ROBO2: variants seen among roughly 807,000 people sequenced by gnomAD.
The protein encoded by ROBO2 is roundabout homolog 2.
Under a neutral mutation model 160.8 loss-of-function variants are expected in ROBO2, and 53 were observed. The observed-to-expected ratio is 0.33, with a 90% CI of 0.26 to 0.41. The LOEUF is 0.41. Ranked by LOEUF, ROBO2 falls within the 10% of genes least tolerant of loss-of-function variation. The pLI is 1.00. For missense variants in ROBO2, 1,577 were observed against 1,722.4 expected (o/e 0.92, Z 1.49); for synonymous variants, 664 against 611.7 (o/e 1.09, Z -1.26).
chr3:76,216,693 T>C (rs1247731116), intron 2 of ROBO2, among the ~76,000 whole-genome samples: 1 of 151,992 alleles, frequency 6.6e-6, no homozygotes, highest in Non-Finnish European at 1.5e-5. Flanking sequence ...AGACTTAGAC[T>C]CCCACACAAT....
chr3:76,438,447 A>T (rs1577189811), intron 2 of ROBO2, among the ~76,000 whole-genome samples: 2 of 151,378 alleles, frequency 1.3e-5, no homozygotes, highest in South Asian at 4.2e-4. Context: ...CACACAATGC[A>T]CATATATGAT....
Position 75,932,685 on chromosome 3 carries a change from T to C in ROBO2, c.-13-4796T>C, listed in dbSNP as rs112138060. 6.7e-3 allele frequency among the ~76,000 whole-genome samples: 1,013 copies of C among 152,312 alleles called. 17 individuals carry two copies. Among genetic ancestry groups the C allele is most frequent in the African/African-American group, 0.024 (980 of 41,562 alleles). ...TTGGCAAATGATTTATCTGAACTAA[T>C]GGCAGAGTGGAATTTTAATACTTTA... On this transcript the variant is annotated intron_variant, in intron 1 of 26. Transcript: ENST00000487694.
At chr3:77,628,408 C>T (rs1008034540) in intron 23 of ROBO2, among the ~76,000 whole-genome samples, 1 of 146,928 alleles carries the variant, frequency 6.8e-6, no homozygotes, top group Admixed American at 6.9e-5. Context: ...TTTTTATTTT[C>T]ATTCATTCAT....
chr3:76,820,820 T>C (rs909516585), intron 2 of ROBO2, among the ~76,000 whole-genome samples: 3 of 152,018 alleles, frequency 2.0e-5, no homozygotes, highest in African/African-American at 7.2e-5. Flanking sequence ...AATAGTACTG[T>C]TGGAAATTAT....
chr3:76,657,634 T>TCATATATATGTGTATATATATA (rs2091603513), intron 2 of ROBO2, among the ~76,000 whole-genome samples: 1 of 142,894 alleles, frequency 7.0e-6, no homozygotes, highest in Non-Finnish European at 1.5e-5. Context: ...GTATATATAT[T>TCATATATATGTGTATATATATA]CATATATATG....
intron 2 of ROBO2, among the ~76,000 whole-genome samples, chr3:76,583,512 T>G (rs1374505793): frequency 6.6e-6 from 1 of 152,164 alleles, no homozygotes; most frequent in Non-Finnish European, 1.5e-5. Flanking sequence ...TCCCACAACA[T>G]TTTAACATGT....
At chr3:77,155,581 T>C (rs1328399522) in intron 2 of ROBO2, among the ~76,000 whole-genome samples, 1 of 152,062 alleles carries the variant, frequency 6.6e-6, no homozygotes, top group Admixed American at 6.6e-5. Context: ...TACAGGTTTC[T>C]ATGATAAATG....
At chr3:77,306,407 A>G (rs559715877) in intron 2 of ROBO2, among the ~76,000 whole-genome samples, 1 of 152,264 alleles carries the variant, frequency 6.6e-6, no homozygotes, top group East Asian at 1.9e-4. Flanking sequence ...AGCAACGCAA[A>G]TGTATAAACT....
chr3:77,598,047 G>A (rs1432571194), intron 19 of ROBO2, among the ~76,000 whole-genome samples: 1 of 152,062 alleles, frequency 6.6e-6, no homozygotes, highest in Non-Finnish European at 1.5e-5. Context: ...TGATTAATTA[G>A]AATAGTGCTG....
intron 13 of ROBO2, among the ~76,000 whole-genome samples, chr3:77,572,936 T>C (rs2093674166): frequency 6.6e-6 from 1 of 152,054 alleles, no homozygotes; most frequent in Non-Finnish European, 1.5e-5. Flanking sequence ...TTTCAAATGC[T>C]GAACAAATTT....
chr3:76,436,906 T>TA (rs2109072323), intron 2 of ROBO2, among the ~76,000 whole-genome samples: 1 of 152,316 alleles, frequency 6.6e-6, no homozygotes, highest in African/African-American at 2.4e-5. Flanking sequence ...TCACTGATTT[T>TA]AAACTGCAAG....
At chr3:77,192,068 G>A (rs1462664088) in intron 2 of ROBO2, among the ~76,000 whole-genome samples, 1 of 152,110 alleles carries the variant, frequency 6.6e-6, no homozygotes, top group Non-Finnish European at 1.5e-5. Flanking sequence ...GAGAAAGTAA[G>A]CAATGTAACA....
At chr3:77,345,296 T>C (rs1472926207) in intron 2 of ROBO2, among the ~76,000 whole-genome samples, 1 of 152,034 alleles carries the variant, frequency 6.6e-6, no homozygotes, top group Non-Finnish European at 1.5e-5. Flanking sequence ...TGTCTGGCTT[T>C]TTCTGAAGCA....
chr3:77,140,488 TC>T (rs35783972), intron 2 of ROBO2, among the ~76,000 whole-genome samples: 1 of 152,156 alleles, frequency 6.6e-6, no homozygotes, highest in Non-Finnish European at 1.5e-5. Flanking sequence ...ACATAATACC[TC>T]CCAGTATCCC....
intron 2 of ROBO2, among the ~76,000 whole-genome samples, chr3:76,429,830 A>T (rs1408441759): frequency 6.6e-6 from 1 of 152,140 alleles, no homozygotes; most frequent in Non-Finnish European, 1.5e-5. Flanking sequence ...CATCTTGCCC[A>T]TTTGGAACAC....
intron 2 of ROBO2, among the ~76,000 whole-genome samples, chr3:77,314,738 T>C (rs570553320): frequency 5.3e-5 from 8 of 152,308 alleles, no homozygotes; most frequent in African/African-American, 1.7e-4. Context: ...CAAGGCATTA[T>C]ATATCAAGCC....
At chr3:76,947,798 G>A (rs1398474735) in intron 2 of ROBO2, among the ~76,000 whole-genome samples, 5 of 152,050 alleles carry the variant, frequency 3.3e-5, no homozygotes, top group African/African-American at 1.2e-4. Context: ...TCATCTGAAC[G>A]TACTACTTTT....
At chr3:76,281,765 C>T (rs1280729319) in intron 2 of ROBO2, among the ~76,000 whole-genome samples, 2 of 151,980 alleles carry the variant, frequency 1.3e-5, no homozygotes, top group East Asian at 3.9e-4. Flanking sequence ...TTTAGAGAGT[C>T]ACTTTATCTT....
At chr3:76,993,126 C>G (rs1476839553) in intron 2 of ROBO2, among the ~76,000 whole-genome samples, 1 of 151,916 alleles carries the variant, frequency 6.6e-6, no homozygotes, top group African/African-American at 2.4e-5. Context: ...CCTAAAATCT[C>G]GAAAGTTTTT....
Sources: allele counts gnomAD v4.1 joint callset (sites outside exome capture counted in the v4.1 genomes callset), GRCh38; gene constraint gnomAD v4.1.1; transcripts MANE v1.5; gene names NCBI Gene and HGNC (gene_info 2026-07-23, HGNC 2026-07-21).